The following TTC28 variants were observed in gnomAD, a reference collection of about 807,000 sequenced individuals.
TTC28 encodes the protein tetratricopeptide repeat domain 28.
TTC28 carries 61 observed loss-of-function variants against 198.0 expected under a neutral mutation model. That is an observed-to-expected ratio of 0.31 (90% CI 0.25 to 0.38). The LOEUF (loss-of-function observed/expected upper bound fraction) is 0.38. Ranked by LOEUF, TTC28 falls within the 10% of genes least tolerant of loss-of-function variation. TTC28 has a pLI of 1.00. For missense variants in TTC28, 2,678 were observed against 3,164.0 expected (o/e 0.85, Z 3.69); for synonymous variants, 1,171 against 1,297.8 (o/e 0.90, Z 2.10).
intron 2 of TTC28, among the ~76,000 whole-genome samples, chr22:28,312,357 G>T (rs1343393454): frequency 6.6e-6 from 1 of 152,014 alleles, no homozygotes; most frequent in Non-Finnish European, 1.5e-5. Context: ...TGGACCAAGC[G>T]AACCTAATAG....
intron 2 of TTC28, among the ~76,000 whole-genome samples, chr22:28,359,708 T>C (rs935568385): frequency 6.6e-6 from 1 of 152,168 alleles, no homozygotes; most frequent in African/African-American, 2.4e-5. Context: ...AGCAGGTGCA[T>C]GTTGGTAACA....
At chr22:28,365,299 T>C (rs1241596667) in intron 2 of TTC28, among the ~76,000 whole-genome samples, 1 of 152,246 alleles carries the variant, frequency 6.6e-6, no homozygotes, top group Admixed American at 6.5e-5. Flanking sequence ...AACTTTTATA[T>C]GCACTGGGAA....
intron 2 of TTC28, among the ~76,000 whole-genome samples, chr22:28,592,853 A>C (rs1206906425): frequency 3.9e-5 from 6 of 152,184 alleles, no homozygotes; most frequent in Non-Finnish European, 8.8e-5. Flanking sequence ...AGTCACATTT[A>C]GGACACAGCA....
chr22:28,274,075 T>C (rs186229782), intron 5 of TTC28, among the ~76,000 whole-genome samples: 3 of 152,210 alleles, frequency 2.0e-5, no homozygotes, highest in African/African-American at 7.2e-5. Flanking sequence ...ATGAAACCAT[T>C]TGTATAAAGT....
rs1470928844 is a variant in TTC28 at position 28,662,075 on chromosome 22, CT to C, written c.102+17546del. On this transcript the variant is annotated intron_variant, in intron 1 of 22. Coordinates refer to ENST00000397906, the MANE Select transcript of TTC28 (RefSeq NM_001145418.2). ...ACTTTCAATACATAAAGAAATTACA[CT>C]GCTCACATTGTAATTAATTTCATCT... Among the ~76,000 whole-genome samples, 4 of 152,274 alleles carry C rather than the reference CT, an allele frequency of 2.6e-5. No individual in the cohort carries two copies. In the East Asian group the frequency reaches 7.7e-4, roughly 29 times the overall value.
intron 16 of TTC28, 52 bp from the exon 17 acceptor site, chr22:27,996,311 C>T: frequency 2.0e-6 from 3 of 1,532,692 alleles, no homozygotes; most frequent in Non-Finnish European, 2.6e-6. Flanking sequence ...GACCCCCAGC[C>T]CCACCCCGGC....
intron 2 of TTC28, among the ~76,000 whole-genome samples, chr22:28,500,405 C>T (rs2048520642): frequency 6.6e-6 from 1 of 152,088 alleles, no homozygotes; most frequent in Non-Finnish European, 1.5e-5. Flanking sequence ...CCCTTATGTT[C>T]ATATGGCTTT....
At chr22:28,321,959 G>C (rs1168544035) in intron 2 of TTC28, among the ~76,000 whole-genome samples, 3 of 152,126 alleles carry the variant, frequency 2.0e-5, no homozygotes, top group Non-Finnish European at 4.4e-5. Flanking sequence ...AGCTTCCTGA[G>C]TAGCTGGGAC....
At position 28,063,678 on chromosome 22, in the gene TTC28, T is replaced by C. The variant is rs116886314; in HGVS notation, c.3932+30402A>G. Among the ~76,000 whole-genome samples, 487 of 152,302 alleles carry C rather than the reference T, an allele frequency of 3.2e-3. 8 individuals carry two copies. The East Asian group carries it at 0.05, about 16-fold the overall frequency. Reference sequence around the variant, plus strand: ...GCATGTATCCACCACATTTTACCTGTCCACTCTATCAGTGATGGATGCACA... The same window carrying C: ...GCATGTATCCACCACATTTTACCTGCCCACTCTATCAGTGATGGATGCACA... On this transcript the variant is annotated intron_variant, in intron 12 of 22. Coordinates refer to ENST00000397906, the MANE Select transcript of TTC28 (RefSeq NM_001145418.2).
At chr22:28,286,559 C>T (rs940934482) in intron 5 of TTC28, among the ~76,000 whole-genome samples, 5 of 152,150 alleles carry the variant, frequency 3.3e-5, no homozygotes, top group Admixed American at 1.3e-4. Flanking sequence ...TACGAGAATA[C>T]ACTTCAAACT....
intron 2 of TTC28, among the ~76,000 whole-genome samples, chr22:28,394,062 TTA>T (rs1332447172): frequency 1.3e-5 from 2 of 152,114 alleles, no homozygotes; most frequent in Non-Finnish European, 2.9e-5. Flanking sequence ...AGCTCCACAT[TTA>T]TACAAGCCAG....
intron 2 of TTC28, among the ~76,000 whole-genome samples, chr22:28,478,639 A>T (rs572579268): frequency 6.6e-6 from 1 of 152,312 alleles, no homozygotes; most frequent in African/African-American, 2.4e-5. Flanking sequence ...GGGAAGGTTC[A>T]TCAATGAAAC....
intron 2 of TTC28, among the ~76,000 whole-genome samples, chr22:28,571,861 T>C (rs755550524): frequency 2.0e-5 from 3 of 148,494 alleles, no homozygotes; most frequent in Admixed American, 6.8e-5. Flanking sequence ...GGCAGGAAAA[T>C]AGCTTGAACC....
chr22:28,309,961 C>G (rs1160932421), intron 2 of TTC28, among the ~76,000 whole-genome samples: 1 of 152,144 alleles, frequency 6.6e-6, no homozygotes, highest in Non-Finnish European at 1.5e-5. Flanking sequence ...GTCTTCCATT[C>G]ATTTATTTTC....
intron 2 of TTC28, among the ~76,000 whole-genome samples, chr22:28,522,370 C>T (rs917018584): frequency 6.6e-6 from 1 of 151,970 alleles, no homozygotes; most frequent in African/African-American, 2.4e-5. Context: ...CACCTGTAAT[C>T]CCAGCTACTC....
intron 22 of TTC28, among the ~76,000 whole-genome samples, 189 bp downstream of exon 22, chr22:27,985,060 G>A (rs1170506888): frequency 6.6e-6 from 1 of 152,220 alleles, no homozygotes; most frequent in Non-Finnish European, 1.5e-5. Flanking sequence ...CTCATACATT[G>A]CAAGTTCCAT....
chr22:28,308,211 T>G (rs953938169), intron 2 of TTC28, among the ~76,000 whole-genome samples: 1 of 152,330 alleles, frequency 6.6e-6, no homozygotes, highest in Non-Finnish European at 1.5e-5. Flanking sequence ...CAGCCACTGT[T>G]TAAATCTTTA....
chr22:28,336,806 AT>A (rs2045729205), intron 2 of TTC28, among the ~76,000 whole-genome samples: 1 of 151,802 alleles, frequency 6.6e-6, no homozygotes, highest in Non-Finnish European at 1.5e-5. Flanking sequence ...GGATTCACTG[AT>A]TTTTTGAGGG....
Position 28,330,690 on chromosome 22 carries a change from A to G in TTC28, c.382-24047T>C, listed in dbSNP as rs138784464. ...CTTATCTGTAACAATTTCACCTTAC[A>G]TCAAGACTGTATTTTCTACCCATTA... is the stretch of plus-strand genomic sequence containing the variant. On this transcript the variant is annotated intron_variant, in intron 2 of 22. Transcript: ENST00000397906. Among the ~76,000 whole-genome samples, 1,362 of 152,308 alleles carry G rather than the reference A, an allele frequency of 8.9e-3. 23 individuals carry two copies. The highest frequency in any genetic ancestry group is 0.031 in the African/African-American group (1,300 of 41,576).
Sources: allele counts gnomAD v4.1 joint callset (sites outside exome capture counted in the v4.1 genomes callset), GRCh38; gene constraint gnomAD v4.1.1; transcripts MANE v1.5; gene names NCBI Gene and HGNC (gene_info 2026-07-23, HGNC 2026-07-21).